Variants in EVC2 observed in about 807,000 individuals in gnomAD.
EVC2 encodes limbin.
In EVC2, 148 loss-of-function variants were observed where a neutral mutation model predicts 149.3. The observed-to-expected ratio is 0.99, with a 90% CI of 0.87 to 1.14. The LOEUF is 1.14. Ranked by LOEUF, EVC2 falls within the 50% of genes most tolerant of loss-of-function variation. EVC2 has a pLI of 0.00. For missense variants in EVC2, 1,854 were observed against 1,627.3 expected (o/e 1.14, Z -2.40); for synonymous variants, 776 against 649.9 (o/e 1.19, Z -2.95).
chr4:5,680,153 C>T (rs985634529), intron 7 of EVC2, among the ~76,000 whole-genome samples: 8 of 152,090 alleles, frequency 5.3e-5, no homozygotes, highest in Non-Finnish European at 1.2e-4. Context: ...TCCCTCCTGA[C>T]GGACCTGCCT....
intron 14 of EVC2, among the ~76,000 whole-genome samples, chr4:5,620,636 T>G (rs567642499): frequency 6.6e-6 from 1 of 152,326 alleles, no homozygotes; most frequent in African/African-American, 2.4e-5. Flanking sequence ...GCAAAGTATA[T>G]GAGCAGACTC....
chr4:5,676,847 CT>C (rs941700782), intron 7 of EVC2, among the ~76,000 whole-genome samples: 13 of 151,396 alleles, frequency 8.6e-5, no homozygotes, highest in Admixed American at 1.3e-4. Context: ...ATTCTTCGGT[CT>C]TTTTTTTTCA....
chr4:5,604,857 C>G (rs535898831), intron 16 of EVC2, among the ~76,000 whole-genome samples: 2 of 151,962 alleles, frequency 1.3e-5, no homozygotes, highest in South Asian at 4.2e-4. Context: ...TTAAGTTACA[C>G]TGAGGGTGCC....
At chr4:5,663,062 C>T (rs762686170) in intron 9 of EVC2, 45 bp downstream of exon 9, 24 of 1,611,480 alleles carry the variant, frequency 1.5e-5, no homozygotes, top group South Asian at 3.3e-5. Flanking sequence ...GTCGTTAAAA[C>T]ATTCATCACA....
At chr4:5,632,155 T>G in intron 10 of EVC2, 123 bp from the exon 11 acceptor site, 1 of 1,300,620 alleles carries the variant, frequency 7.7e-7, no homozygotes. Flanking sequence ...CACAGATGCA[T>G]GCACATATGC....
At position 5,636,711 on chromosome 4, in the gene EVC2, C is replaced by T. The variant is rs1346944179; in HGVS notation, c.1470+3803G>A. ...TTCCTGGGTATCAAGGGAGGGATGA[C>T]TGTACTGTACTAAACTTTACTCAGG... On this transcript the variant is annotated intron_variant, in intron 10 of 21. Coordinates refer to ENST00000344408, the MANE Select transcript of EVC2 (RefSeq NM_147127.5). This position sits in a 1 kb window ranked among gnomAD's most constrained non-coding sequence, Gnocchi z 4.6. Among the ~76,000 whole-genome samples, 7 of 152,050 alleles carry T rather than the reference C, an allele frequency of 4.6e-5. No homozygotes were observed. The South Asian group carries it at 8.3e-4, about 18-fold the overall frequency.
chr4:5,703,288 CCAT>C (rs1299184466), intron 1 of EVC2, among the ~76,000 whole-genome samples: 3 of 152,108 alleles, frequency 2.0e-5, no homozygotes, highest in African/African-American at 7.2e-5. Flanking sequence ...CTTATCATCA[CCAT>C]CATCATCATC....
chr4:5,690,782 T>A (rs1006718157), intron 4 of EVC2, among the ~76,000 whole-genome samples: 3 of 152,192 alleles, frequency 2.0e-5, no homozygotes, highest in African/African-American at 7.2e-5. Context: ...ATCTATACCC[T>A]TTCTCTGTAA....
intron 16 of EVC2, among the ~76,000 whole-genome samples, chr4:5,594,070 G>A (rs1713125892): frequency 6.6e-6 from 1 of 152,204 alleles, no homozygotes; most frequent in African/African-American, 2.4e-5. Flanking sequence ...CAGCCCGGAA[G>A]CTCAAACTGG....
chr4:5,595,368 G>A lies in EVC2; in HGVS notation c.2830-10518C>T, dbSNP rs185187074. On this transcript the variant is annotated intron_variant, in intron 16 of 21. Transcript: ENST00000344408. The stretch of plus-strand genomic sequence containing the variant: ...AAGCCCATCAGACTAACAGCTGATC[G>A]CTAGGCAGAAACTCTACAAGCCAGA... Among the ~76,000 whole-genome samples the A allele has an allele frequency of 2.1e-4, 32 of 152,316 alleles. No homozygotes were observed. The East Asian group carries it at 2.1e-3, about 10-fold the overall frequency.
chr4:5,611,432 A>C (rs898647029), intron 16 of EVC2, among the ~76,000 whole-genome samples: 6 of 152,248 alleles, frequency 3.9e-5, no homozygotes, highest in Non-Finnish European at 7.4e-5. Context: ...CAGTGTACTA[A>C]GCCTATTTAA....
intron 7 of EVC2, among the ~76,000 whole-genome samples, chr4:5,669,603 G>A (rs903243616): frequency 3.3e-5 from 5 of 152,164 alleles, no homozygotes; most frequent in Admixed American, 6.5e-5. Context: ...GAACTCTCTC[G>A]TATGTTCCTT....
chr4:5,650,604 CAT>C (rs66673359), intron 9 of EVC2, among the ~76,000 whole-genome samples: 1,137 of 52,720 alleles, frequency 0.022, 13 homozygotes, highest in Non-Finnish European at 0.027. Flanking sequence ...TTTTAATCGC[CAT>C]ATATATATAT....
chr4:5,571,174 C>T (rs113796803), intron 19 of EVC2, among the ~76,000 whole-genome samples: 13 of 151,864 alleles, frequency 8.6e-5, no homozygotes, highest in South Asian at 4.2e-4. Context: ...AAAAATTAGC[C>T]GGGCGTGGTG....
At chr4:5,597,672 C>G (rs7677019) in intron 16 of EVC2, among the ~76,000 whole-genome samples, 67,878 of 137,180 alleles carry the variant, frequency 0.49, 17,859 homozygotes, top group East Asian at 0.82. Context: ...CAGGGATGCC[C>G]TCTCTCACCA....
chr4:5,612,052 A>G (rs1423866152), intron 16 of EVC2, among the ~76,000 whole-genome samples: 1 of 152,246 alleles, frequency 6.6e-6, no homozygotes, highest in Non-Finnish European at 1.5e-5. Context: ...ACATTTGCCA[A>G]GACGGAATGT....
chr4:5,568,735 G>A (rs1722468831), intron 19 of EVC2, 95 bp from the exon 20 acceptor site: 4 of 1,312,536 alleles, frequency 3.0e-6, no homozygotes, highest in South Asian at 2.5e-5. Flanking sequence ...TTCTGTCCTG[G>A]AGTGATAAAT....
In EVC2 at chr4:5,622,773, C is replaced by T. The variant is rs962222538; in HGVS notation, c.2265G>A (p.Gln755=). 1.7e-5 allele frequency: 27 copies of T among 1,613,970 alleles called. No homozygotes were observed. Among genetic ancestry groups the T allele is most frequent in the Non-Finnish European group, 1.9e-5 (22 of 1,180,040 alleles). The change falls in exon 14 of 22, where the codon CAG becomes CAA. Residue 755 remains glutamine (Q), a synonymous_variant. Coordinates refer to ENST00000344408, the MANE Select transcript of EVC2 (RefSeq NM_147127.5). The surrounding 1 kb of genome is among the most constrained non-coding windows in gnomAD (Gnocchi z 5.8). The part of the protein sequence containing the change: ...EKATDELRRL[Q]NSAMTQELLK... ...GCAGCTCCTGGGTCATGGCTGAGTT[C>T]TGCAGGCGCCGCAGCTCGTCGGTGG... is the stretch of plus-strand genomic sequence containing the variant.
At chr4:5,685,783 C>A (rs1160479454) in intron 5 of EVC2, among the ~76,000 whole-genome samples, 1 of 152,210 alleles carries the variant, frequency 6.6e-6, no homozygotes, top group Non-Finnish European at 1.5e-5. Flanking sequence ...AGCCCTTTCT[C>A]ACTGTGCAGC....
Sources: allele counts gnomAD v4.1 joint callset (sites outside exome capture counted in the v4.1 genomes callset), GRCh38; gene constraint gnomAD v4.1.1; non-coding constraint Gnocchi (gnomAD v3.1); transcripts MANE v1.5; gene names NCBI Gene and HGNC (gene_info 2026-07-23, HGNC 2026-07-21).